Variants in CNTN4 observed in about 807,000 individuals in gnomAD.
The protein encoded by CNTN4 is contactin 4, also known as contactin-4.
In CNTN4, 77 loss-of-function variants were observed where a neutral mutation model predicts 122.5. That is an observed-to-expected ratio of 0.63 (90% CI 0.52 to 0.76). The LOEUF is 0.76. CNTN4 is among the 30% of genes least tolerant of loss of function. CNTN4 has a pLI of 0.00. For synonymous variants in CNTN4, 512 were observed against 447.0 expected, an observed-to-expected ratio of 1.15 and a Z score of -1.83; for missense variants, 1,256 against 1,259.1, an observed-to-expected ratio of 1.00 and a Z score of 0.04.
intron 2 of CNTN4, among the ~76,000 whole-genome samples, chr3:2,143,042 G>A (rs569948696): frequency 2.0e-5 from 3 of 152,224 alleles, no homozygotes; most frequent in African/African-American, 4.8e-5. Flanking sequence ...CCTTCATTAC[G>A]TAAGCGATTT....
intron 2 of CNTN4, among the ~76,000 whole-genome samples, chr3:2,277,563 A>T (rs2041562784): frequency 6.6e-6 from 1 of 152,090 alleles, no homozygotes; most frequent in South Asian, 2.1e-4. Context: ...TCACAGCTGG[A>T]CATCTTTGTC....
chr3:2,702,621 C>G (rs182050460), intron 4 of CNTN4, among the ~76,000 whole-genome samples: 2 of 152,234 alleles, frequency 1.3e-5, no homozygotes, highest in Admixed American at 6.5e-5. Context: ...GCATTTACCC[C>G]CAGGCTTAAA....
At chr3:2,932,221 C>T (rs1435073308) in intron 13 of CNTN4, among the ~76,000 whole-genome samples, 1 of 151,612 alleles carries the variant, frequency 6.6e-6, no homozygotes, top group South Asian at 2.1e-4. Context: ...ACTAAAAATA[C>T]AAAAAAATTA....
At chr3:2,497,346 A>G (rs1335770210) in intron 3 of CNTN4, among the ~76,000 whole-genome samples, 2 of 152,332 alleles carry the variant, frequency 1.3e-5, no homozygotes, top group East Asian at 3.9e-4. Flanking sequence ...ATCTAAAATC[A>G]ATACCTGTAG....
intron 3 of CNTN4, among the ~76,000 whole-genome samples, chr3:2,397,263 T>A (rs2046674625): frequency 6.6e-6 from 1 of 152,212 alleles, no homozygotes; most frequent in Non-Finnish European, 1.5e-5. Flanking sequence ...CTTATGCGAA[T>A]TACAGCTCTT....
chr3:2,662,526 A>G (rs1017517681), intron 4 of CNTN4, among the ~76,000 whole-genome samples: 1 of 152,194 alleles, frequency 6.6e-6, no homozygotes, highest in Non-Finnish European at 1.5e-5. Context: ...CTGTGGTCCA[A>G]TGGTTCATTC....
chr3:2,343,900 G>A (rs1189222494), intron 3 of CNTN4, among the ~76,000 whole-genome samples: 1 of 152,172 alleles, frequency 6.6e-6, no homozygotes, highest in Non-Finnish European at 1.5e-5. Context: ...TGTGGTGACA[G>A]CCTCAGGAAA....
intron 3 of CNTN4, among the ~76,000 whole-genome samples, chr3:2,422,916 G>A (rs929835201): frequency 1.3e-5 from 2 of 152,164 alleles, no homozygotes; most frequent in Admixed American, 1.3e-4. Context: ...TTTTACTCCT[G>A]TTTGCCACCT....
chr3:2,770,494 C>A (rs554351981), intron 6 of CNTN4, among the ~76,000 whole-genome samples: 19 of 152,204 alleles, frequency 1.2e-4, no homozygotes, highest in Non-Finnish European at 2.4e-4. Flanking sequence ...GTTATAAAAT[C>A]CCTCATCAGT....
chr3:2,687,989 T>C (rs1412622505), intron 4 of CNTN4, among the ~76,000 whole-genome samples: 1 of 152,116 alleles, frequency 6.6e-6, no homozygotes. Context: ...TCTTTAGCTA[T>C]TAACATAGGT....
chr3:2,821,771 T>C (rs760607276), intron 7 of CNTN4, among the ~76,000 whole-genome samples: 1 of 152,198 alleles, frequency 6.6e-6, no homozygotes, highest in Non-Finnish European at 1.5e-5. Flanking sequence ...AATGACAAGA[T>C]TGATAAACTC....
At chr3:3,044,285 A>G (rs1382782253) in intron 23 of CNTN4, among the ~76,000 whole-genome samples, 2 of 152,216 alleles carry the variant, frequency 1.3e-5, no homozygotes, top group Non-Finnish European at 2.9e-5. Context: ...GTTTCCAGCT[A>G]CCTATTTGCT....
intron 2 of CNTN4, among the ~76,000 whole-genome samples, chr3:2,256,324 A>G (rs551445155): frequency 1.6e-4 from 24 of 152,210 alleles, no homozygotes; most frequent in Admixed American, 1.3e-4. Flanking sequence ...AAAAAAGTCC[A>G]GGACCAGATG....
At chr3:2,242,129 T>A (rs1005281199) in intron 2 of CNTN4, among the ~76,000 whole-genome samples, 3 of 152,082 alleles carry the variant, frequency 2.0e-5, no homozygotes, top group African/African-American at 7.2e-5. Flanking sequence ...CATAATAACT[T>A]TTAAAATTAA....
At chr3:2,880,743 A>G (rs555195560) in intron 8 of CNTN4, among the ~76,000 whole-genome samples, 18 of 152,300 alleles carry the variant, frequency 1.2e-4, no homozygotes, top group African/African-American at 4.1e-4. Flanking sequence ...CCTTCGTAAG[A>G]GATTAAGATG....
At chr3:2,870,598 A>G (rs933138391) in intron 8 of CNTN4, among the ~76,000 whole-genome samples, 1 of 152,180 alleles carries the variant, frequency 6.6e-6, no homozygotes, top group African/African-American at 2.4e-5. Context: ...TGTATATTAG[A>G]CTGGTAAGTG....
intron 13 of CNTN4, among the ~76,000 whole-genome samples, chr3:2,967,849 CTTTT>C (rs796772751): frequency 9.2e-6 from 1 of 108,872 alleles, no homozygotes; most frequent in African/African-American, 3.3e-5. Flanking sequence ...GTTTTGTTTG[CTTTT>C]TTTTTTTTTT....
rs185936307 is a variant in CNTN4 at position 2,152,146 on chromosome 3, A to G, written c.-145+51507A>G. On this transcript the variant is annotated intron_variant, in intron 2 of 24. Transcript: ENST00000418658. Reference sequence around the variant, plus strand: ...AACAAAGTATTGAAGGAGACGGGGCAAGTTTGTCAGATGGGTATGTGGGAG... The same window carrying G: ...AACAAAGTATTGAAGGAGACGGGGCGAGTTTGTCAGATGGGTATGTGGGAG... Among the ~76,000 whole-genome samples, 147 of 152,266 alleles carry G rather than the reference A, an allele frequency of 9.7e-4. 1 individual carries two copies. The highest frequency in any genetic ancestry group is 3.4e-3 in the African/African-American group (143 of 41,550).
At chr3:2,943,630 A>ATTTTTT (rs367606924) in intron 13 of CNTN4, among the ~76,000 whole-genome samples, 2 of 128,264 alleles carry the variant, frequency 1.6e-5, no homozygotes, top group African/African-American at 5.9e-5. Flanking sequence ...ATATATATAT[A>ATTTTTT]TTTTTTTTTT....
Sources: allele counts gnomAD v4.1 joint callset (sites outside exome capture counted in the v4.1 genomes callset), GRCh38; gene constraint gnomAD v4.1.1; transcripts MANE v1.5; gene names NCBI Gene and HGNC (gene_info 2026-07-23, HGNC 2026-07-21).